The following USP34 variants were observed in gnomAD, a reference collection of about 807,000 sequenced individuals.
USP34 encodes the protein ubiquitin carboxyl-terminal hydrolase 34.
A neutral mutation model predicts 460.3 loss-of-function variants in USP34; 70 were observed. That is an observed-to-expected ratio of 0.15 (90% CI 0.13 to 0.19). The LOEUF (loss-of-function observed/expected upper bound fraction) is 0.19, where lower values mean the gene tolerates loss of function less well. USP34 is among the 10% of genes least tolerant of loss of function. The pLI, the probability that USP34 is intolerant of heterozygous loss-of-function variation, is 1.00. For synonymous variants in USP34, 1,647 were observed against 1,405.3 expected (o/e 1.17, Z -3.85); for missense variants, 3,985 against 4,236.2 (o/e 0.94, Z 1.65).
At chr2:61,347,703 T>C (rs540112245) in intron 15 of USP34, among the ~76,000 whole-genome samples, 167 bp downstream of exon 15, 1 of 152,362 alleles carries the variant, frequency 6.6e-6, no homozygotes, top group South Asian at 2.1e-4. Context: ...TGTTTTTAAA[T>C]GTGCCCAATA....
chr2:61,429,536 T>A (rs1244865287), intron 1 of USP34, among the ~76,000 whole-genome samples: 1 of 151,876 alleles, frequency 6.6e-6, no homozygotes, highest in Admixed American at 6.6e-5. Context: ...CTGAGGTGAA[T>A]GAGTTGCTTA....
intron 39 of USP34, among the ~76,000 whole-genome samples, chr2:61,279,392 T>TA (rs530921451): frequency 4.2e-4 from 64 of 152,210 alleles, no homozygotes; most frequent in Non-Finnish European, 7.9e-4. Context: ...ATTGACAACT[T>TA]AGACACATTT....
chr2:61,266,025 T>C lies in USP34; in HGVS notation c.5576A>G (p.Tyr1859Cys), dbSNP rs1344523654. The change falls in exon 42 of 80, where the codon TAC becomes TGC. Residue 1859 changes from tyrosine to cysteine, a missense_variant. Physicochemically the swap from Tyr to Cys is radical, Grantham distance 194 (BLOSUM62 -2). This residue lies in a region of USP34 where 1,114 missense variants were observed against 1,122.5 expected (regional missense o/e 0.99). Coordinates refer to ENST00000398571, the MANE Select transcript of USP34 (RefSeq NM_014709.4). Reference sequence around the variant, plus strand: ...CATAACCCAGTTGTGTATTAGCCTGTAGTTCTCAACAGACCCCTTTACCAT... The same window carrying C: ...CATAACCCAGTTGTGTATTAGCCTGCAGTTCTCAACAGACCCCTTTACCAT... ...VEMVKGSVENYRLIHNWVMAQ... is the reference protein window; with the variant it reads ...VEMVKGSVENCRLIHNWVMAQ... 1 of 1,613,576 alleles carries C rather than the reference T, an allele frequency of 6.2e-7. No homozygotes were observed. The highest frequency in any genetic ancestry group is 8.5e-7 in the Non-Finnish European group (1 of 1,179,590).
intron 22 of USP34, among the ~76,000 whole-genome samples, chr2:61,318,560 A>G (rs144925664): frequency 6.6e-6 from 1 of 152,240 alleles, no homozygotes; most frequent in Admixed American, 6.5e-5. Flanking sequence ...AATCTCAAAA[A>G]TAAGCATAAA....
intron 37 of USP34, among the ~76,000 whole-genome samples, chr2:61,282,754 C>T (rs560560550): frequency 3.3e-5 from 5 of 152,114 alleles, no homozygotes; most frequent in Non-Finnish European, 7.4e-5. Flanking sequence ...TGCACCACTA[C>T]ACTCTAGCCT....
chr2:61,284,792 G>C (rs1421075026), intron 35 of USP34, 83 bp downstream of exon 35: 9 of 1,144,588 alleles, frequency 7.9e-6, no homozygotes, highest in Non-Finnish European at 1.1e-5. Context: ...TTTCTATTAA[G>C]TTTAGAATTT....
At chr2:61,387,405 C>T (rs1310774216) in intron 5 of USP34, among the ~76,000 whole-genome samples, 1 of 151,752 alleles carries the variant, frequency 6.6e-6, no homozygotes, top group Non-Finnish European at 1.5e-5. Flanking sequence ...GTGGAGACTG[C>T]AGTGAGCCAA....
intron 1 of USP34, among the ~76,000 whole-genome samples, chr2:61,433,619 G>A (rs757712931): frequency 2.6e-5 from 4 of 152,114 alleles, no homozygotes; most frequent in Non-Finnish European, 5.9e-5. Context: ...GGGCAACAGA[G>A]TAAGACTCCA....
At chr2:61,320,457 T>C (rs887179651) in intron 21 of USP34, among the ~76,000 whole-genome samples, 3 of 152,058 alleles carry the variant, frequency 2.0e-5, no homozygotes, top group Admixed American at 6.6e-5. Context: ...ATGGGGAGAA[T>C]GTGTAAATTC....
chr2:61,284,658 G>C (rs1689635030), intron 35 of USP34, among the ~76,000 whole-genome samples: 1 of 152,068 alleles, frequency 6.6e-6, no homozygotes, highest in Non-Finnish European at 1.5e-5. Flanking sequence ...GAAGATTCAG[G>C]AAAACATGTA....
chr2:61,352,463 T>G (rs1691968615), intron 10 of USP34, among the ~76,000 whole-genome samples: 1 of 151,530 alleles, frequency 6.6e-6, no homozygotes, highest in Admixed American at 6.6e-5. Context: ...CTTGTTGGGG[T>G]TTCTAGGGTA....
chr2:61,206,060 A>C lies in USP34; in HGVS notation c.9111T>G (p.Leu3037=). 1 of 1,613,820 alleles carries C rather than the reference A, an allele frequency of 6.2e-7. No homozygotes were observed. The change falls in exon 72 of 80, where the codon CTT becomes CTG. Residue 3037 remains leucine (L), a synonymous_variant. Coordinates refer to ENST00000398571, the MANE Select transcript of USP34 (RefSeq NM_014709.4). ...RIEFAHKLLT[L]LNSYSPPELR... ...GTTCTGGAGGACTATAGGAATTAAG[A>C]AGAGTTAACAGTTTATGGGCAAATT...
At chr2:61,226,900 G>T in intron 62 of USP34, 167 bp downstream of exon 62, 3 of 817,124 alleles carry the variant, frequency 3.7e-6, no homozygotes, top group Non-Finnish European at 5.2e-6. Context: ...AAGAGTTGAT[G>T]AATAGTAGTA....
At position 61,405,713 on chromosome 2, in the gene USP34, T is replaced by A. The variant is rs200129537; in HGVS notation, c.547A>T (p.Ile183Phe). Residue 183 changes from isoleucine to phenylalanine, a missense_variant, in exon 3 of 80, where the codon ATT (isoleucine) becomes TTT (phenylalanine). Transcript: ENST00000398571. ...ACACCACCTATTTTACATACCTCAA[T>A]AGTAGGGTGAGTATTATGCTTGTAA... ...TAYKHNTHPT[I>F]EDISTQESNI... The A allele has an allele frequency of 2.3e-5, 35 of 1,540,870 alleles. No individual in the cohort carries two copies. The highest frequency in any genetic ancestry group is 2.9e-5 in the Non-Finnish European group (33 of 1,148,760).
chr2:61,272,478 C>A (rs1441736914), intron 41 of USP34, among the ~76,000 whole-genome samples: 2 of 151,738 alleles, frequency 1.3e-5, no homozygotes, highest in Non-Finnish European at 2.9e-5. Context: ...ACATATATAT[C>A]CAAATCTGAG....
At chr2:61,374,083 G>A (rs1239148747) in intron 8 of USP34, among the ~76,000 whole-genome samples, 3 of 150,942 alleles carry the variant, frequency 2.0e-5, no homozygotes, top group Non-Finnish European at 4.4e-5. Context: ...TTGAAGCCAG[G>A]AGACAGAGGT....
rs913844644 is a variant in USP34, at chr2:61,209,068, T to G, written c.8841-91A>C. On this transcript the variant is annotated intron_variant, in intron 69 of 79. Coordinates refer to ENST00000398571, the MANE Select transcript of USP34 (RefSeq NM_014709.4). ...AAATAAAAAGAAATAAAATCATCAT[T>G]TAAGCTCTCTGCTTTCCTACCTACA... is the stretch of plus-strand genomic sequence containing the variant. 4 of 706,946 alleles carry G rather than the reference T, an allele frequency of 5.7e-6. No individual in the cohort carries two copies. The African/African-American group carries it at 7.3e-5, about 13-fold the overall frequency. 43.8% of individuals were successfully genotyped at this position (706,946 alleles called of 1,614,324 possible). A position where few individuals can be genotyped will look rare whatever the true frequency, so the allele number is the denominator to read the frequency against.
In USP34 at chr2:61,420,818, C is replaced by G. The variant is rs1291827686; in HGVS notation, c.59G>C (p.Gly20Ala). ...EVLNEISDVE[G>A]GDGLQLRKEH... ...CTTTCTGAGCTGCAGTCCATCACCA[C>G]CTTCTACATCTGATACTGAAATAAA... Residue 20 changes from glycine to alanine, a missense_variant, in exon 2 of 80, where the codon GGT (glycine) becomes GCT (alanine). Transcript: ENST00000398571. 1 of 1,607,876 alleles carries G rather than the reference C, an allele frequency of 6.2e-7. No individual in the cohort carries two copies. The highest frequency in any genetic ancestry group is 2.2e-5 in the East Asian group (1 of 44,630).
rs1249925259 is a variant in USP34, at chr2:61,188,329, AAGT to A, written c.10411_10413del (p.Thr3471del). 2 of 1,613,508 alleles carry A rather than the reference AAGT, an allele frequency of 1.2e-6. No homozygotes were observed. Among genetic ancestry groups the A allele is most frequent in the Non-Finnish European group, 1.7e-6 (2 of 1,180,014 alleles). On this transcript the variant is annotated inframe_deletion, in exon 80 of 80. Transcript: ENST00000398571. Reference sequence around the variant, plus strand: ...AAGTCAGACAGAACTGCAGAGATAGAAGTAGAAGGGAACTCAGATTCTTCCTCA... The same window carrying A: ...AAGTCAGACAGAACTGCAGAGATAGAAGAAGGGAACTCAGATTCTTCCTCA...
Sources: allele counts gnomAD v4.1 joint callset (sites outside exome capture counted in the v4.1 genomes callset), GRCh38; gene constraint gnomAD v4.1.1; regional missense constraint gnomAD v4.1.1; transcripts MANE v1.5; gene names NCBI Gene and HGNC (gene_info 2026-07-23, HGNC 2026-07-21).